The following CAMK4 variants were observed in gnomAD, a reference collection of about 807,000 sequenced individuals.
CAMK4 encodes the protein calcium/calmodulin dependent protein kinase IV.
A neutral mutation model predicts 44.9 loss-of-function variants in CAMK4; 22 were observed. That is an observed-to-expected ratio of 0.49 (90% CI 0.35 to 0.70). The LOEUF (loss-of-function observed/expected upper bound fraction) is 0.70. CAMK4 is among the 30% of genes least tolerant of loss of function. The pLI is 0.01. For synonymous variants in CAMK4, 218 were observed against 215.4 expected (o/e 1.01, Z -0.11); for missense variants, 498 against 586.8 (o/e 0.85, Z 1.56).
intron 2 of CAMK4, among the ~76,000 whole-genome samples, chr5:111,346,032 T>C (rs1749848806): frequency 6.6e-6 from 1 of 151,942 alleles, no homozygotes; most frequent in African/African-American, 2.4e-5. Flanking sequence ...TCCCCAGTAT[T>C]GTCTCCTAGG....
At chr5:111,469,160 AAAAAAAAAAAAAAT>A (rs1201069061) in intron 7 of CAMK4, among the ~76,000 whole-genome samples, 5 of 91,394 alleles carry the variant, frequency 5.5e-5, no homozygotes, top group African/African-American at 2.1e-4. Flanking sequence ...AAAAAAAAAA[AAAAAAAAAAAAAAT>A]ATATATATAT....
At chr5:111,441,014 A>G (rs1457446731) in intron 5 of CAMK4, among the ~76,000 whole-genome samples, 1 of 152,226 alleles carries the variant, frequency 6.6e-6, no homozygotes, top group Admixed American at 6.5e-5. Flanking sequence ...TGGGCGTTGC[A>G]GATGAGAAAA....
At chr5:111,277,908 C>T (rs1750844632) in intron 1 of CAMK4, among the ~76,000 whole-genome samples, 2 of 151,974 alleles carry the variant, frequency 1.3e-5, no homozygotes, top group South Asian at 2.1e-4. Context: ...TTTTTAAATT[C>T]AGTACTGTCA....
chr5:111,415,792 A>T (rs779006315), intron 5 of CAMK4, among the ~76,000 whole-genome samples: 43 of 152,244 alleles, frequency 2.8e-4, no homozygotes, highest in Non-Finnish European at 5.4e-4. Flanking sequence ...CCATGGATCC[A>T]GTCAACCTTG....
At chr5:111,285,273 G>A (rs1270031319) in intron 1 of CAMK4, among the ~76,000 whole-genome samples, 1 of 152,158 alleles carries the variant, frequency 6.6e-6, no homozygotes, top group African/African-American at 2.4e-5. Context: ...ACACACATCT[G>A]AGATATTCAT....
At chr5:111,241,268 T>G (rs1580466982) in intron 1 of CAMK4, among the ~76,000 whole-genome samples, 2 of 152,318 alleles carry the variant, frequency 1.3e-5, no homozygotes, top group South Asian at 2.1e-4. Context: ...GCTCAGTTTC[T>G]TAGTCTTTGC....
intron 1 of CAMK4, among the ~76,000 whole-genome samples, chr5:111,297,377 T>G (rs927597433): frequency 6.6e-6 from 1 of 152,140 alleles, no homozygotes; most frequent in African/African-American, 2.4e-5. Context: ...GGCTAGGATG[T>G]GGAAAATTAG....
At position 111,343,859 on chromosome 5, in the gene CAMK4, TA is replaced by T. The variant is rs34578342; in HGVS notation, c.162-154del. Among the ~76,000 whole-genome samples the T allele has an allele frequency of 9.1e-3, 1,375 of 151,416 alleles. 10 individuals carry two copies. The highest frequency in any genetic ancestry group is 0.03 in the African/African-American group (1,230 of 41,320). The stretch of plus-strand genomic sequence containing the variant: ...TTGAGCAAACTGTGTTCAATTGTGA[TA>T]AAAAAAAAAATACTCTTGACAGCTA... On this transcript the variant is annotated intron_variant, in intron 1 of 10. Coordinates refer to ENST00000282356, the MANE Select transcript of CAMK4 (RefSeq NM_001744.6).
At chr5:111,262,036 G>T (rs182798423) in intron 1 of CAMK4, among the ~76,000 whole-genome samples, 1 of 152,022 alleles carries the variant, frequency 6.6e-6, no homozygotes, top group Non-Finnish European at 1.5e-5. Flanking sequence ...AGTCATCCTT[G>T]TGTTCGTTCA....
At chr5:111,428,731 G>A (rs1246446095) in intron 5 of CAMK4, among the ~76,000 whole-genome samples, 3 of 152,082 alleles carry the variant, frequency 2.0e-5, no homozygotes, top group Non-Finnish European at 4.4e-5. Flanking sequence ...ATGGGATCTA[G>A]AAAATAGTCT....
intron 1 of CAMK4, among the ~76,000 whole-genome samples, chr5:111,297,447 A>G (rs536836942): frequency 2.6e-5 from 4 of 152,330 alleles, no homozygotes; most frequent in African/African-American, 9.6e-5. Context: ...AATTGACATG[A>G]GTGGCTCTCA....
rs180865805 is a variant in CAMK4, at chr5:111,331,611, A to G, written c.162-12413A>G. Among the ~76,000 whole-genome samples, 727 of 151,778 alleles carry G rather than the reference A, an allele frequency of 4.8e-3. 3 individuals are homozygous for G. The highest frequency in any genetic ancestry group is 7.5e-3 in the Non-Finnish European group (507 of 67,804). On this transcript the variant is annotated intron_variant, in intron 1 of 10. Transcript: ENST00000282356. ...TATTCTTTTGCCTTTGTTAGTCCCT[A>G]TCCATCTTGAAGACCCACTTAAATT...
At chr5:111,372,174 G>GA (rs1491318497) in intron 2 of CAMK4, among the ~76,000 whole-genome samples, 1 of 152,090 alleles carries the variant, frequency 6.6e-6, no homozygotes, top group Non-Finnish European at 1.5e-5. Context: ...GGAAGAAACT[G>GA]AGAGAGTAAT....
At chr5:111,316,718 G>A (rs1252902345) in intron 1 of CAMK4, among the ~76,000 whole-genome samples, 1 of 152,124 alleles carries the variant, frequency 6.6e-6, no homozygotes, top group African/African-American at 2.4e-5. Flanking sequence ...AAAAGGGATA[G>A]GAGCCCATAG....
Position 111,487,588 on chromosome 5 carries a change from C to G in CAMK4, c.*3122C>G, listed in dbSNP as rs1755675511. ...AAAGTATAGTATTTTTAATCCAATTCATCCAAATTATTCTATCGATATATA... is the reference window on the plus strand; with the variant it reads ...AAAGTATAGTATTTTTAATCCAATTGATCCAAATTATTCTATCGATATATA... On this transcript the variant is annotated 3_prime_UTR_variant, in exon 11 of 11. Transcript: ENST00000282356. 1.3e-5 allele frequency: 2 copies of G among 152,104 alleles called. No homozygotes were observed. The highest frequency in any genetic ancestry group is 4.2e-4 in the South Asian group (2 of 4,814). The allele number at this position is 152,104 out of a possible 1,614,324, so 9.4% of individuals were successfully genotyped here. A position where few individuals can be genotyped will look rare whatever the true frequency, so the allele number is the denominator to read the frequency against.
intron 8 of CAMK4, among the ~76,000 whole-genome samples, chr5:111,474,532 C>G (rs1043899081): frequency 6.6e-6 from 1 of 152,160 alleles, no homozygotes; most frequent in African/African-American, 2.4e-5. Context: ...CCCAAGGGCT[C>G]CATCTCCAAA....
At chr5:111,405,756 A>G (rs1217927495) in intron 5 of CAMK4, among the ~76,000 whole-genome samples, 1 of 152,186 alleles carries the variant, frequency 6.6e-6, no homozygotes, top group East Asian at 1.9e-4. Flanking sequence ...CTATAAGACC[A>G]TCACCCTGAT....
At chr5:111,350,936 C>T (rs1296069194) in intron 2 of CAMK4, among the ~76,000 whole-genome samples, 2 of 152,076 alleles carry the variant, frequency 1.3e-5, no homozygotes, top group African/African-American at 2.4e-5. Context: ...GATTAAGTTA[C>T]AGACTACATA....
intron 1 of CAMK4, among the ~76,000 whole-genome samples, chr5:111,237,697 A>G (rs967200097): frequency 9.9e-5 from 15 of 152,212 alleles, no homozygotes; most frequent in Non-Finnish European, 1.0e-4. Flanking sequence ...CTTTTTAAAA[A>G]GCTTGACTTA....
Sources: allele counts gnomAD v4.1 joint callset (sites outside exome capture counted in the v4.1 genomes callset), GRCh38; gene constraint gnomAD v4.1.1; transcripts MANE v1.5; gene names NCBI Gene and HGNC (gene_info 2026-07-23, HGNC 2026-07-21).